The following GSE1 variants were observed in gnomAD, a reference collection of about 807,000 sequenced individuals.
GSE1 encodes the protein Gse1 coiled-coil protein.
In GSE1, 32 loss-of-function variants were observed where a neutral mutation model predicts 112.6. The ratio of observed to expected loss-of-function variants is 0.28; its 90% CI spans 0.21 to 0.38. GSE1 has a LOEUF of 0.38. Ranked by LOEUF, GSE1 falls within the 10% of genes least tolerant of loss-of-function variation. The pLI is 1.00. For missense variants in GSE1, 2,348 were observed against 1,699.2 expected (o/e 1.38, Z -6.71); for synonymous variants, 1,115 against 735.6 (o/e 1.52, Z -8.35).
chr16:85,171,289 C>G (rs1035946857), exon 1 of GSE1: 17 of 985,492 alleles, frequency 1.7e-5, no homozygotes, highest in Non-Finnish European at 2.0e-5. Flanking sequence ...CCAGGGCGGC[C>G]CCGTGTCCAT....
At chr16:85,663,734 C>G in intron 11 of GSE1, 120 bp downstream of exon 11, 1 of 999,516 alleles carries the variant, frequency 1.0e-6, no homozygotes, top group South Asian at 1.6e-5. Flanking sequence ...TGAGGCTGCC[C>G]CTTTACTCCT....
intron 1 of GSE1, among the ~76,000 whole-genome samples, chr16:85,259,399 T>C (rs1907433801): frequency 6.6e-6 from 1 of 152,126 alleles, no homozygotes; most frequent in African/African-American, 2.4e-5. Context: ...CCTGAAGACT[T>C]GTTTTTTGTG....
chr16:85,325,204 A>G (rs2046200565), intron 1 of GSE1, among the ~76,000 whole-genome samples: 1 of 151,982 alleles, frequency 6.6e-6, no homozygotes, highest in African/African-American at 2.4e-5. Context: ...GCTAGCCCCA[A>G]GTGATCCTCC....
At chr16:85,438,448 G>T (rs1012182150) in intron 2 of GSE1, among the ~76,000 whole-genome samples, 2 of 152,172 alleles carry the variant, frequency 1.3e-5, no homozygotes, top group Non-Finnish European at 2.9e-5. Flanking sequence ...ATCAGCTGCC[G>T]CCTGGAGAGG....
intron 2 of GSE1, among the ~76,000 whole-genome samples, chr16:85,434,637 G>A (rs1424519397): frequency 6.6e-6 from 1 of 152,132 alleles, no homozygotes; most frequent in Non-Finnish European, 1.5e-5. Context: ...GGCCAACATG[G>A]TAAAACCCCT....
chr16:85,195,068 A>G (rs1000310969), intron 1 of GSE1, among the ~76,000 whole-genome samples: 1 of 152,158 alleles, frequency 6.6e-6, no homozygotes, highest in African/African-American at 2.4e-5. Context: ...AGACTCCACC[A>G]TCCAATCGCA....
At chr16:85,581,794 G>A (rs74031858) in intron 1 of GSE1, among the ~76,000 whole-genome samples, 9,063 of 152,150 alleles carry the variant, frequency 0.06, 876 homozygotes, top group African/African-American at 0.2. Context: ...GAGTGGATGG[G>A]GTCTACACCC....
chr16:85,326,167 C>T (rs1311290089), intron 1 of GSE1, among the ~76,000 whole-genome samples: 1 of 151,946 alleles, frequency 6.6e-6, no homozygotes, highest in Non-Finnish European at 1.5e-5. Context: ...AATCGGTGCC[C>T]CCCTGGCTCG....
intron 1 of GSE1, among the ~76,000 whole-genome samples, chr16:85,586,334 C>G (rs569884909): frequency 1.3e-5 from 2 of 152,338 alleles, no homozygotes; most frequent in Non-Finnish European, 2.9e-5. Flanking sequence ...GGTGTTGCCT[C>G]GGACGGCGGA....
upstream of GSE1, among the ~76,000 whole-genome samples, chr16:85,553,276 C>A (rs1850650192): frequency 6.7e-6 from 1 of 149,194 alleles, no homozygotes; most frequent in African/African-American, 2.4e-5. Flanking sequence ...ACCCCGACCC[C>A]GCCGCCCCGC....
Position 85,620,754 on chromosome 16 carries a change from C to T in GSE1, c.7+7356C>T, listed in dbSNP as rs4843947. Reference sequence around the variant, plus strand: ...CTCAGCCTTGGGTCTCTGCACTGTTCTCAGCCCTGGGTCTCTGCTCTGTTG... The same window carrying T: ...CTCAGCCTTGGGTCTCTGCACTGTTTTCAGCCCTGGGTCTCTGCTCTGTTG... On this transcript the variant is annotated intron_variant, in intron 1 of 15. Coordinates refer to ENST00000253458, the MANE Select transcript of GSE1 (RefSeq NM_014615.5). 7.1e-3 allele frequency among the ~76,000 whole-genome samples: 1,070 copies of T among 151,502 alleles called. 47 individuals are homozygous for T. The highest frequency in any genetic ancestry group is 0.064 in the Admixed American group (984 of 15,260).
intron 2 of GSE1, among the ~76,000 whole-genome samples, chr16:85,402,258 G>A (rs541830578): frequency 2.0e-5 from 3 of 152,310 alleles, no homozygotes; most frequent in South Asian, 4.1e-4. Context: ...CCTGTCCACC[G>A]GGCCACCGTG....
At chr16:85,589,272 G>T (rs2046854899) in intron 1 of GSE1, among the ~76,000 whole-genome samples, 1 of 152,214 alleles carries the variant, frequency 6.6e-6, no homozygotes, top group Admixed American at 6.5e-5. Context: ...GGTGGGGAGG[G>T]TTTGTGGGTG....
At chr16:85,517,171 T>C (rs749563311) in intron 2 of GSE1, among the ~76,000 whole-genome samples, 6 of 151,964 alleles carry the variant, frequency 3.9e-5, no homozygotes, top group Non-Finnish European at 8.8e-5. Context: ...CCCCCCTCGC[T>C]GGGGAGATGA....
intron 1 of GSE1, among the ~76,000 whole-genome samples, chr16:85,337,796 T>C (rs1252901495): frequency 2.6e-5 from 4 of 152,252 alleles, no homozygotes; most frequent in African/African-American, 9.6e-5. Flanking sequence ...ACACCTGGCG[T>C]CTGAAATGGA....
At chr16:85,481,389 G>A (rs1226184369) in intron 2 of GSE1, among the ~76,000 whole-genome samples, 1 of 152,214 alleles carries the variant, frequency 6.6e-6, no homozygotes. Context: ...GGACAGAGGA[G>A]CTTGATGCTT....
At chr16:85,217,100 C>T (rs1278261557) in intron 1 of GSE1, among the ~76,000 whole-genome samples, 1 of 152,242 alleles carries the variant, frequency 6.6e-6, no homozygotes, top group Admixed American at 6.5e-5. Context: ...ACTGACTCAG[C>T]CCCTTTCTGC....
At chr16:85,462,236 T>C (rs1030130646) in intron 2 of GSE1, among the ~76,000 whole-genome samples, 6 of 152,110 alleles carry the variant, frequency 3.9e-5, no homozygotes, top group Admixed American at 2.6e-4. Flanking sequence ...GCTCAGCTCC[T>C]TAAAGCCCTA....
chr16:85,183,417 A>G (rs1250874354), intron 1 of GSE1, among the ~76,000 whole-genome samples: 2 of 152,196 alleles, frequency 1.3e-5, no homozygotes, highest in African/African-American at 4.8e-5. Context: ...GGAGGTGGGC[A>G]CAGTGGCTGG....
Sources: gnomAD v4.1 joint callset for allele counts (sites outside exome capture counted in the v4.1 genomes callset) on GRCh38, gnomAD v4.1.1 for gene constraint, MANE v1.5 for transcripts, NCBI Gene and HGNC (gene_info 2026-07-23, HGNC 2026-07-21) for gene names.